Variants in LRP1B observed in about 807,000 individuals in gnomAD.
LRP1B encodes the protein low-density lipoprotein receptor-related protein 1B.
LRP1B carries 217 observed loss-of-function variants against 556.6 expected under a neutral mutation model. That is an observed-to-expected ratio of 0.39 (90% CI 0.35 to 0.44). The LOEUF (loss-of-function observed/expected upper bound fraction) is 0.44, where lower values mean the gene tolerates loss of function less well. Among genes scored for constraint, LRP1B ranks in the 20% least tolerant of loss-of-function variants. The probability of loss-of-function intolerance (pLI) is 1.00; values close to 1 mark genes in which losing one functional copy is unlikely to be tolerated. For missense variants in LRP1B, 5,053 were observed against 5,620.8 expected, an observed-to-expected ratio of 0.90 and a Z score of 3.23; for synonymous variants, 2,047 against 1,865.8, an observed-to-expected ratio of 1.10 and a Z score of -2.50.
chr2:141,937,385 A>C (rs1307335732), intron 1 of LRP1B, among the ~76,000 whole-genome samples: 2 of 151,586 alleles, frequency 1.3e-5, no homozygotes, highest in Non-Finnish European at 2.9e-5. Context: ...ACTCCATCTC[A>C]AAAAATAATA....
chr2:140,806,433 T>C (rs988113382), intron 32 of LRP1B, among the ~76,000 whole-genome samples: 2 of 151,952 alleles, frequency 1.3e-5, no homozygotes, highest in African/African-American at 4.8e-5. Context: ...AAAAAGCATA[T>C]ACGGAATGAT....
At chr2:141,258,855 T>A (rs1684581779) in intron 3 of LRP1B, among the ~76,000 whole-genome samples, 1 of 152,176 alleles carries the variant, frequency 6.6e-6, no homozygotes, top group Non-Finnish European at 1.5e-5. Flanking sequence ...GTAAGTTTCC[T>A]GAGGCCCCCT....
chr2:140,820,513 C>T (rs1018655659), intron 31 of LRP1B, among the ~76,000 whole-genome samples: 2 of 152,086 alleles, frequency 1.3e-5, no homozygotes, highest in African/African-American at 2.4e-5. Flanking sequence ...ATCCATATCC[C>T]GAGCCCTTGA....
intron 3 of LRP1B, among the ~76,000 whole-genome samples, chr2:141,421,101 C>T (rs1680120056): frequency 6.6e-6 from 1 of 152,176 alleles, no homozygotes; most frequent in East Asian, 1.9e-4. Flanking sequence ...CGTAATGGTA[C>T]TTTGGTTCAT....
At chr2:140,764,581 C>T (rs1486127) in intron 35 of LRP1B, among the ~76,000 whole-genome samples, 64,493 of 151,864 alleles carry the variant, frequency 0.42, 13,899 homozygotes, top group East Asian at 0.61. Context: ...ACTGTATAAA[C>T]GTGGCAATGA....
intron 41 of LRP1B, among the ~76,000 whole-genome samples, chr2:140,694,402 T>G (rs1686354983): frequency 6.6e-6 from 1 of 152,202 alleles, no homozygotes; most frequent in South Asian, 2.1e-4. Flanking sequence ...AGTCTGAAGA[T>G]TTTACTCTTG....
At chr2:141,892,889 A>G (rs1444475020) in intron 1 of LRP1B, among the ~76,000 whole-genome samples, 1 of 152,200 alleles carries the variant, frequency 6.6e-6, no homozygotes, top group Non-Finnish European at 1.5e-5. Context: ...GAAATTTACC[A>G]CCACTTTGAC....
At chr2:142,007,469 A>G (rs2105148055) in intron 1 of LRP1B, among the ~76,000 whole-genome samples, 1 of 152,320 alleles carries the variant, frequency 6.6e-6, no homozygotes, top group South Asian at 2.1e-4. Flanking sequence ...TTATCTAGTC[A>G]TTAGAATTTT....
chr2:141,459,533 G>A (rs949908938), intron 3 of LRP1B, among the ~76,000 whole-genome samples: 30 of 151,982 alleles, frequency 2.0e-4, no homozygotes, highest in South Asian at 1.2e-3. Context: ...TTTGTCCCCC[G>A]CTAAATCTCA....
At chr2:141,156,880 T>C (rs1302944089) in intron 7 of LRP1B, among the ~76,000 whole-genome samples, 1 of 152,122 alleles carries the variant, frequency 6.6e-6, no homozygotes, top group African/African-American at 2.4e-5. Flanking sequence ...AATGAATTAA[T>C]GTTTGCTAGA....
chr2:141,358,192 G>C (rs1466162103), intron 3 of LRP1B, among the ~76,000 whole-genome samples: 1 of 152,164 alleles, frequency 6.6e-6, no homozygotes, highest in East Asian at 1.9e-4. Flanking sequence ...TTGAGTGTTT[G>C]TTTAATACAG....
rs1382004061 is a variant in LRP1B at position 140,525,948 on chromosome 2, G to A, written c.7922C>T (p.Thr2641Ile). 1 of 1,612,322 alleles carries A rather than the reference G, an allele frequency of 6.2e-7. No homozygotes were observed. Among genetic ancestry groups the A allele is most frequent in the South Asian group, 1.1e-5 (1 of 91,044 alleles). ...THFYKLGVKT[T>I]GFIRCNSTSL... Reference sequence around the variant, plus strand: ...GGTAGAATTACATCTTATGAACCCTGTGGTTTTCACTCCAAGCTTATAGAA... The same window carrying A: ...GGTAGAATTACATCTTATGAACCCTATGGTTTTCACTCCAAGCTTATAGAA... The change falls in exon 49 of 91, where the codon ACA becomes ATA. Residue 2641 changes from threonine (T) to isoleucine (I), a missense_variant. Physicochemically the swap from Thr to Ile is moderately conservative, Grantham distance 89. Transcript: ENST00000389484.
At chr2:140,275,051 G>A (rs773710619) in intron 84 of LRP1B, among the ~76,000 whole-genome samples, 20 of 151,916 alleles carry the variant, frequency 1.3e-4, no homozygotes, top group Non-Finnish European at 2.2e-4. Context: ...TGATTACATC[G>A]GTATAGCACT....
In LRP1B at chr2:141,045,344, G is replaced by A. The variant is rs1403809068; in HGVS notation, c.1789+3642C>T. ...TAGATGACGAGATAGTGGGTGCAGC[G>A]CACCAGCATGGCACATGTATACATA... On this transcript the variant is annotated intron_variant, in intron 11 of 90. Coordinates refer to ENST00000389484, the MANE Select transcript of LRP1B (RefSeq NM_018557.3). 1.5e-4 allele frequency among the ~76,000 whole-genome samples: 22 copies of A among 150,830 alleles called. 1 individual carries two copies. In the South Asian group the frequency reaches 2.1e-3, roughly 14 times the overall value.
At chr2:140,856,162 C>A (rs1265007163) in intron 27 of LRP1B, among the ~76,000 whole-genome samples, 2 of 152,162 alleles carry the variant, frequency 1.3e-5, no homozygotes, top group African/African-American at 2.4e-5. Context: ...TGTGTACACA[C>A]TAAAATGTAT....
chr2:141,820,828 C>T (rs1350184396), intron 1 of LRP1B, among the ~76,000 whole-genome samples: 1 of 152,094 alleles, frequency 6.6e-6, no homozygotes, highest in Non-Finnish European at 1.5e-5. Flanking sequence ...GAATAAGAGC[C>T]CCATGGCAGG....
chr2:141,560,524 T>C (rs933397087), intron 2 of LRP1B, among the ~76,000 whole-genome samples: 1 of 151,392 alleles, frequency 6.6e-6, no homozygotes, highest in Non-Finnish European at 1.5e-5. Context: ...CTCACTTAGC[T>C]AGTTGGATCA....
intron 41 of LRP1B, among the ~76,000 whole-genome samples, chr2:140,689,601 C>T (rs1429911031): frequency 2.6e-5 from 4 of 152,180 alleles, no homozygotes; most frequent in Admixed American, 2.6e-4. Context: ...CTATACAGAG[C>T]TTACTTGGCA....
chr2:140,351,247 T>C (rs139454778), intron 76 of LRP1B, among the ~76,000 whole-genome samples: 7 of 152,080 alleles, frequency 4.6e-5, no homozygotes, highest in Non-Finnish European at 1.0e-4. Flanking sequence ...TTGATAGAGG[T>C]TTTTCTACTG....
Sources: allele counts gnomAD v4.1 joint callset (sites outside exome capture counted in the v4.1 genomes callset), GRCh38; gene constraint gnomAD v4.1.1; transcripts MANE v1.5; gene names NCBI Gene and HGNC (gene_info 2026-07-23, HGNC 2026-07-21).